Variants in PTPRD observed in about 807,000 individuals in gnomAD.
PTPRD encodes protein tyrosine phosphatase receptor type D, also known as receptor-type tyrosine-protein phosphatase delta.
PTPRD carries 34 observed loss-of-function variants against 214.5 expected under a neutral mutation model. That is an observed-to-expected ratio of 0.16 (90% CI 0.12 to 0.21). The LOEUF (loss-of-function observed/expected upper bound fraction) is 0.21, where lower values mean the gene tolerates loss of function less well. PTPRD is among the 10% of genes least tolerant of loss of function. The pLI, the probability that PTPRD is intolerant of heterozygous loss-of-function variation, is 1.00. For synonymous variants in PTPRD, 1,128 were observed against 845.7 expected, an observed-to-expected ratio of 1.33 and a Z score of -5.79; for missense variants, 2,545 against 2,398.7, an observed-to-expected ratio of 1.06 and a Z score of -1.27.
intron 10 of PTPRD, among the ~76,000 whole-genome samples, chr9:9,021,022 T>C (rs1181023007): frequency 6.6e-6 from 1 of 152,172 alleles, no homozygotes; most frequent in East Asian, 1.9e-4. Context: ...CACAAAAACA[T>C]AATATTTTAG....
At chr9:10,524,935 G>T (rs960943050) in intron 2 of PTPRD, among the ~76,000 whole-genome samples, 1 of 150,760 alleles carries the variant, frequency 6.6e-6, no homozygotes, top group Non-Finnish European at 1.5e-5. Context: ...AAAAAAAAAA[G>T]CAAAATAAGT....
At chr9:10,127,660 T>C (rs1326375851) in intron 3 of PTPRD, among the ~76,000 whole-genome samples, 2 of 152,210 alleles carry the variant, frequency 1.3e-5, no homozygotes, top group Non-Finnish European at 2.9e-5. Context: ...TTATTATTCA[T>C]CAAATATTAT....
intron 10 of PTPRD, among the ~76,000 whole-genome samples, chr9:9,150,741 T>TG (rs1236165484): frequency 6.6e-6 from 1 of 152,114 alleles, no homozygotes; most frequent in African/African-American, 2.4e-5. Context: ...CCCAAAGGGC[T>TG]GGGATTACAG....
intron 9 of PTPRD, among the ~76,000 whole-genome samples, chr9:9,247,070 A>G (rs899533135): frequency 6.6e-6 from 1 of 151,956 alleles, no homozygotes; most frequent in Admixed American, 6.6e-5. Flanking sequence ...CTTTTCCCCA[A>G]AGCAAACCGT....
chr9:9,556,254 T>C (rs575538597), intron 8 of PTPRD, among the ~76,000 whole-genome samples: 4 of 152,280 alleles, frequency 2.6e-5, no homozygotes, highest in East Asian at 1.9e-4. Context: ...AAGTGGATCA[T>C]CATAAAGGTC....
chr9:10,569,985 C>A (rs1259974878), intron 2 of PTPRD, among the ~76,000 whole-genome samples: 1 of 152,062 alleles, frequency 6.6e-6, no homozygotes, highest in Non-Finnish European at 1.5e-5. Context: ...AATAAGCCAA[C>A]CTTAACCTAT....
chr9:10,148,467 GGC>G (rs2099039029), intron 3 of PTPRD, among the ~76,000 whole-genome samples: 1 of 152,008 alleles, frequency 6.6e-6, no homozygotes, highest in Non-Finnish European at 1.5e-5. Context: ...AATATGATTA[GGC>G]AGCTCTCTGA....
chr9:10,322,216 C>T (rs1228873724), intron 3 of PTPRD, among the ~76,000 whole-genome samples: 1 of 151,998 alleles, frequency 6.6e-6, no homozygotes, highest in East Asian at 1.9e-4. Flanking sequence ...CAGTTTAATG[C>T]ATGACAGACC....
At chr9:10,123,383 T>C (rs185466499) in intron 3 of PTPRD, among the ~76,000 whole-genome samples, 251 of 152,348 alleles carry the variant, frequency 1.6e-3, no homozygotes, top group Middle Eastern at 6.8e-3. Context: ...GTCTTTTGTA[T>C]TTTGCAGTCA....
At chr9:9,749,611 C>G (rs1230338810) in intron 6 of PTPRD, among the ~76,000 whole-genome samples, 1 of 152,114 alleles carries the variant, frequency 6.6e-6, no homozygotes, top group Non-Finnish European at 1.5e-5. Context: ...AGACAATCCA[C>G]AGAATGTACA....
At chr9:8,329,826 G>C (rs1280726678) in intron 44 of PTPRD, among the ~76,000 whole-genome samples, 1 of 152,072 alleles carries the variant, frequency 6.6e-6, no homozygotes, top group Non-Finnish European at 1.5e-5. Flanking sequence ...AAAACAAACA[G>C]CCTACTCTAG....
chr9:9,776,345 C>G (rs1312748755), intron 5 of PTPRD, among the ~76,000 whole-genome samples: 1 of 152,100 alleles, frequency 6.6e-6, no homozygotes, highest in Non-Finnish European at 1.5e-5. Flanking sequence ...GTTCCTAATT[C>G]CTCTTATATC....
intron 11 of PTPRD, among the ~76,000 whole-genome samples, chr9:8,968,214 T>C (rs1050910835): frequency 6.6e-6 from 1 of 152,156 alleles, no homozygotes; most frequent in African/African-American, 2.4e-5. Flanking sequence ...GCAATAAACA[T>C]ACGTGTGCAT....
At chr9:9,056,787 G>A (rs190274502) in intron 10 of PTPRD, among the ~76,000 whole-genome samples, 104 of 152,114 alleles carry the variant, frequency 6.8e-4, no homozygotes, top group Middle Eastern at 6.8e-3. Flanking sequence ...ACTATTATTT[G>A]GCACGGAAAA....
chr9:9,129,028 A>G (rs923631002), intron 10 of PTPRD, among the ~76,000 whole-genome samples: 2 of 152,240 alleles, frequency 1.3e-5, no homozygotes, highest in African/African-American at 4.8e-5. Context: ...TCTTCCACAG[A>G]TGTCCACATC....
At chr9:9,818,042 C>G (rs1476637014) in intron 5 of PTPRD, among the ~76,000 whole-genome samples, 1 of 152,154 alleles carries the variant, frequency 6.6e-6, no homozygotes, top group Non-Finnish European at 1.5e-5. Context: ...TTGTATGTAA[C>G]TTTGGTTCTC....
chr9:8,754,530 T>C (rs925379004), intron 11 of PTPRD, among the ~76,000 whole-genome samples: 1 of 152,194 alleles, frequency 6.6e-6, no homozygotes, highest in Non-Finnish European at 1.5e-5. Flanking sequence ...TCAGTGGTGA[T>C]GGGTTAAATG....
chr9:8,697,764 G>GGT (rs111905531), intron 12 of PTPRD, among the ~76,000 whole-genome samples: 120 of 149,888 alleles, frequency 8.0e-4, no homozygotes, highest in Admixed American at 1.5e-3. Flanking sequence ...TGGGTGCGTG[G>GGT]GTGTGTGTGT....
rs1170605102 is a variant in PTPRD at position 9,804,459 on chromosome 9, C to G, written c.-367-37608G>C. On this transcript the variant is annotated intron_variant, in intron 5 of 45. Coordinates refer to ENST00000381196, the MANE Select transcript of PTPRD (RefSeq NM_002839.4). The stretch of plus-strand genomic sequence containing the variant: ...AATTTATGAATGTGTTCTAAAATTT[C>G]TATGAACAAAAAATTTTATATGGCT... Among the ~76,000 whole-genome samples the G allele has an allele frequency of 2.0e-5, 3 of 152,154 alleles. No homozygotes were observed. The East Asian group carries it at 5.8e-4, about 29-fold the overall frequency.
Sources: allele counts gnomAD v4.1 joint callset (sites outside exome capture counted in the v4.1 genomes callset), GRCh38; gene constraint gnomAD v4.1.1; transcripts MANE v1.5; gene names NCBI Gene and HGNC (gene_info 2026-07-23, HGNC 2026-07-21).